SH3RF3: variants seen among roughly 807,000 people sequenced by gnomAD.
The protein encoded by SH3RF3 is SH3 domain containing ring finger 3.
Under a neutral mutation model 66.3 loss-of-function variants are expected in SH3RF3, and 29 were observed. That is an observed-to-expected ratio of 0.44 (90% CI 0.33 to 0.60). SH3RF3 has a LOEUF of 0.60. Among genes scored for constraint, SH3RF3 ranks in the 20% least tolerant of loss-of-function variants. The pLI, the probability that SH3RF3 is intolerant of heterozygous loss-of-function variation, is 0.04. For missense variants in SH3RF3, 1,194 were observed against 1,190.9 expected (o/e 1.00, Z -0.04); for synonymous variants, 583 against 532.0 (o/e 1.10, Z -1.32).
intron 1 of SH3RF3, among the ~76,000 whole-genome samples, chr2:109,289,179 G>A (rs1390689598): frequency 3.3e-5 from 5 of 152,058 alleles, no homozygotes. Flanking sequence ...CTCTCTCTCT[G>A]CAGAAAAAGC....
chr2:109,324,004 A>G (rs1479740712), intron 1 of SH3RF3, among the ~76,000 whole-genome samples: 1 of 152,206 alleles, frequency 6.6e-6, no homozygotes, highest in Non-Finnish European at 1.5e-5. Context: ...ACACTAATGT[A>G]ATTTCTGTCC....
rs116765164 is a variant in SH3RF3 at position 109,474,554 on chromosome 2, C to A, written c.2149-16051C>A. Reference sequence around the variant, plus strand: ...GGCTGGGATTACAGTCCGAACCGCACGGGGCTTATAGCCATGGGCACAGTG... The same window carrying A: ...GGCTGGGATTACAGTCCGAACCGCAAGGGGCTTATAGCCATGGGCACAGTG... On this transcript the variant is annotated intron_variant, in intron 8 of 9. Transcript: ENST00000309415. Among the ~76,000 whole-genome samples, 3 of 152,300 alleles carry A rather than the reference C, an allele frequency of 2.0e-5. No individual in the cohort carries two copies. In the South Asian group the frequency reaches 6.2e-4, roughly 32 times the overall value.
At chr2:109,282,189 T>A (rs1433956500) in intron 1 of SH3RF3, among the ~76,000 whole-genome samples, 1 of 152,148 alleles carries the variant, frequency 6.6e-6, no homozygotes, top group Non-Finnish European at 1.5e-5. Context: ...TTTTATCTTG[T>A]TGCCATGAGT....
chr2:109,223,601 G>A (rs1679305795), intron 1 of SH3RF3, among the ~76,000 whole-genome samples: 1 of 152,118 alleles, frequency 6.6e-6, no homozygotes, highest in African/African-American at 2.4e-5. Context: ...GAGGGCAGTA[G>A]CACCATGCAG....
chr2:109,367,488 G>A (rs1683174356), intron 2 of SH3RF3, among the ~76,000 whole-genome samples: 2 of 151,866 alleles, frequency 1.3e-5, no homozygotes, highest in South Asian at 4.2e-4. Flanking sequence ...CACCATGTCG[G>A]CCAGGCTAGT....
At chr2:109,261,965 A>G (rs1434005613) in intron 1 of SH3RF3, among the ~76,000 whole-genome samples, 1 of 152,066 alleles carries the variant, frequency 6.6e-6, no homozygotes, top group Non-Finnish European at 1.5e-5. Flanking sequence ...CCACTTCATT[A>G]CATCAGAGGA....
Position 109,347,787 on chromosome 2 carries a change from A to G in SH3RF3, c.687A>G (p.Glu229=). 4 of 1,613,988 alleles carry G rather than the reference A, an allele frequency of 2.5e-6. No homozygotes were observed. Among genetic ancestry groups the G allele is most frequent in the Non-Finnish European group, 3.4e-6 (4 of 1,179,870 alleles). ...DIIVLRRKVD[E]QWYHGELHGT... ...TCGTCCTGCGGCGCAAGGTGGATGA[A>G]CAGTGGTACCACGGCGAGCTGCACG... Residue 229 remains glutamate, a synonymous_variant, in exon 2 of 10, where the codon GAA becomes GAG. Transcript: ENST00000309415.
intron 1 of SH3RF3, among the ~76,000 whole-genome samples, chr2:109,230,649 A>G (rs151027518): frequency 0.013 from 1,938 of 152,346 alleles, 20 homozygotes; most frequent in South Asian, 0.024. Flanking sequence ...TGGTGGGGTT[A>G]TGTCCTGATA....
At chr2:109,260,175 G>A (rs951494992) in intron 1 of SH3RF3, among the ~76,000 whole-genome samples, 5 of 151,996 alleles carry the variant, frequency 3.3e-5, no homozygotes, top group Admixed American at 2.6e-4. Context: ...CTTTCCTGGC[G>A]GCTGTTGATA....
At chr2:109,269,202 G>A (rs1050769114) in intron 1 of SH3RF3, among the ~76,000 whole-genome samples, 5 of 152,276 alleles carry the variant, frequency 3.3e-5, no homozygotes, top group East Asian at 3.9e-4. Context: ...TCCAACCTTC[G>A]CCCTGGGAGC....
At chr2:109,241,009 T>G (rs1679768162) in intron 1 of SH3RF3, among the ~76,000 whole-genome samples, 1 of 152,156 alleles carries the variant, frequency 6.6e-6, no homozygotes, top group Admixed American at 6.5e-5. Flanking sequence ...GCCTCCCTTT[T>G]GGCCAAAAAG....
intron 8 of SH3RF3, among the ~76,000 whole-genome samples, chr2:109,481,362 C>G (rs1014429629): frequency 6.6e-6 from 1 of 152,096 alleles, no homozygotes; most frequent in African/African-American, 2.4e-5. Flanking sequence ...TACGGAAAAA[C>G]AAGTTTATTG....
chr2:109,322,649 A>G (rs1409538056), intron 1 of SH3RF3, among the ~76,000 whole-genome samples: 2 of 152,262 alleles, frequency 1.3e-5, no homozygotes, highest in Non-Finnish European at 2.9e-5. Context: ...TCTCCAGCAG[A>G]AATAACCTTT....
chr2:109,260,052 T>G (rs1680313133), intron 1 of SH3RF3, among the ~76,000 whole-genome samples: 1 of 152,200 alleles, frequency 6.6e-6, no homozygotes, highest in African/African-American at 2.4e-5. Context: ...GGAGGGTTAT[T>G]TGTGATGTTT....
chr2:109,269,479 T>C (rs1056565561), intron 1 of SH3RF3, among the ~76,000 whole-genome samples: 3 of 152,138 alleles, frequency 2.0e-5, no homozygotes, highest in African/African-American at 7.2e-5. Flanking sequence ...CACCAGGTAG[T>C]GCTTAAAAGA....
At chr2:109,359,191 C>T (rs1435760989) in intron 2 of SH3RF3, among the ~76,000 whole-genome samples, 1 of 152,128 alleles carries the variant, frequency 6.6e-6, no homozygotes, top group Non-Finnish European at 1.5e-5. Context: ...ACTTTATTTT[C>T]AGTCTCGAAG....
In SH3RF3 at chr2:109,502,415, T is replaced by C. The variant is rs1679414014; in HGVS notation, c.*744T>C. ...TTTTCATACATCTGGTGCTGCCTTT[T>C]TGTAAAACTAATAATGACTTGGTTG... On this transcript the variant is annotated 3_prime_UTR_variant, in exon 10 of 10. Transcript: ENST00000309415. 1 of 152,240 alleles carries C rather than the reference T, an allele frequency of 6.6e-6. No homozygotes were observed. Among genetic ancestry groups the C allele is most frequent in the African/African-American group, 2.4e-5 (1 of 41,458 alleles). The allele number at this position is 152,240 out of a possible 1,614,324, so 9.4% of individuals were successfully genotyped here. A position where few individuals can be genotyped will look rare whatever the true frequency, so the allele number is the denominator to read the frequency against.
Position 109,436,945 on chromosome 2 carries a change from C to T in SH3RF3, c.1627C>T (p.Pro543Ser), listed in dbSNP as rs1677417985. 1.2e-6 allele frequency: 2 copies of T among 1,613,704 alleles called. No homozygotes were observed. Among genetic ancestry groups the T allele is most frequent in the African/African-American group, 1.3e-5 (1 of 74,938 alleles). The change falls in exon 7 of 10, where the codon CCA becomes TCA. Residue 543 changes from proline to serine, a missense_variant. Transcript: ENST00000309415. ...CCGGAATAATGTAGTCGGAGGGTCT[C>T]CACTGGCCAAAGGGATAACCACAAC... is the stretch of plus-strand genomic sequence containing the variant. ...PPRNNVVGGS[P>S]LAKGITTTMH... is the part of the protein sequence containing the mutation.
intron 1 of SH3RF3, among the ~76,000 whole-genome samples, chr2:109,159,791 G>A (rs1375709921): frequency 6.6e-6 from 1 of 152,154 alleles, no homozygotes; most frequent in Non-Finnish European, 1.5e-5. Context: ...CACATGCGGG[G>A]GATTTAGGTT....
Sources: allele counts gnomAD v4.1 joint callset (sites outside exome capture counted in the v4.1 genomes callset), GRCh38; gene constraint gnomAD v4.1.1; transcripts MANE v1.5; gene names NCBI Gene and HGNC (gene_info 2026-07-23, HGNC 2026-07-21).